The following TTC9 variants were observed in gnomAD, a reference collection of about 807,000 sequenced individuals.
TTC9 encodes tetratricopeptide repeat domain 9.
Under a neutral mutation model 22.9 loss-of-function variants are expected in TTC9, and 13 were observed. The observed-to-expected ratio is 0.57, with a 90% CI of 0.37 to 0.90. The LOEUF (loss-of-function observed/expected upper bound fraction) is 0.90, where lower values mean the gene tolerates loss of function less well. TTC9 is among the 40% of genes least tolerant of loss of function. TTC9 has a pLI of 0.01. For synonymous variants in TTC9, 148 were observed against 133.2 expected (o/e 1.11, Z -0.77); for missense variants, 280 against 291.8 (o/e 0.96, Z 0.29).
intron 1 of TTC9, among the ~76,000 whole-genome samples, chr14:70,644,713 C>T (rs879275990): frequency 2.0e-5 from 3 of 152,142 alleles, no homozygotes; most frequent in African/African-American, 4.8e-5. Flanking sequence ...AAGGCTCTAA[C>T]GGGCTATTTC....
intron 1 of TTC9, among the ~76,000 whole-genome samples, chr14:70,653,699 G>A (rs1402300430): frequency 2.0e-5 from 3 of 146,888 alleles, no homozygotes; most frequent in African/African-American, 7.6e-5. Context: ...CTTTGCCCCA[G>A]GATTCCCCCT....
intron 1 of TTC9, among the ~76,000 whole-genome samples, chr14:70,651,957 TAA>T (rs111278246): frequency 1.4e-5 from 2 of 144,480 alleles, no homozygotes; most frequent in Admixed American, 6.9e-5. Flanking sequence ...CTTTCTGGTT[TAA>T]AAAAAAAAAA....
rs1367140036 is a variant in TTC9, at chr14:70,642,780, G to T, written c.406+245G>T. On this transcript the variant is annotated intron_variant, in intron 1 of 2. Coordinates refer to ENST00000256367, the MANE Select transcript of TTC9 (RefSeq NM_015351.2). ...TCTCACCTAGAAATGACTGGAAGGG[G>T]ACCCAGCTGGCCTGGCTATGGCTGC... 3.3e-5 allele frequency among the ~76,000 whole-genome samples: 5 copies of T among 152,228 alleles called. No homozygotes were observed. The East Asian group carries it at 9.6e-4, about 29-fold the overall frequency.
rs968081242 is a variant in TTC9 at position 70,671,260 on chromosome 14, C to T, written c.*105C>T. 8.5e-6 allele frequency: 8 copies of T among 937,052 alleles called. No homozygotes were observed. Among genetic ancestry groups the T allele is most frequent in the African/African-American group, 3.3e-5 (2 of 60,136 alleles). 58.0% of individuals were successfully genotyped at this position (937,052 alleles called of 1,614,324 possible). On this transcript the variant is annotated 3_prime_UTR_variant, in exon 3 of 3. Transcript: ENST00000256367. Reference sequence around the variant, plus strand: ...TTCTGTCCCTTTCTCCCCACTTCTTCTGGCTCCTCATTTTTCCTCCTGTTG... The same window carrying T: ...TTCTGTCCCTTTCTCCCCACTTCTTTTGGCTCCTCATTTTTCCTCCTGTTG...
rs1396149259 is a variant in TTC9, at chr14:70,673,832, CCAT to C, written c.*2678_*2680del. On this transcript the variant is annotated 3_prime_UTR_variant, in exon 3 of 3. Coordinates refer to ENST00000256367, the MANE Select transcript of TTC9 (RefSeq NM_015351.2). Reference sequence around the variant, plus strand: ...AATCCAGGATATGATTGTAGCCATCCCATGTAGAAAGATCAAAAACCAGAACGA... The same window carrying C: ...AATCCAGGATATGATTGTAGCCATCCGTAGAAAGATCAAAAACCAGAACGA... 3.3e-5 allele frequency: 5 copies of C among 152,022 alleles called. No individual in the cohort carries two copies. The highest frequency in any genetic ancestry group is 7.4e-5 in the Non-Finnish European group (5 of 68,022). The allele number at this position is 152,022 out of a possible 1,614,324, so 9.4% of individuals were successfully genotyped here.
At chr14:70,669,200 G>A (rs1412956093) in intron 2 of TTC9, among the ~76,000 whole-genome samples, 2 of 152,034 alleles carry the variant, frequency 1.3e-5, no homozygotes, top group Non-Finnish European at 2.9e-5. Flanking sequence ...TTTAGACCAA[G>A]TGATCAGAAA....
In TTC9 at chr14:70,675,054, C is replaced by A. The variant is rs1015976923; in HGVS notation, c.*3899C>A. ...ATCCTAGAGAGTACCCTGTTTCCTG[C>A]ACCCTAACACTAGGTATCATCACTT... On this transcript the variant is annotated 3_prime_UTR_variant, in exon 3 of 3. Transcript: ENST00000256367. 4 of 152,194 alleles carry A rather than the reference C, an allele frequency of 2.6e-5. No individual in the cohort carries two copies. 9.4% of individuals were successfully genotyped at this position (152,194 alleles called of 1,614,324 possible). A position where few individuals can be genotyped will look rare whatever the true frequency, so the allele number is the denominator to read the frequency against.
intron 1 of TTC9, among the ~76,000 whole-genome samples, chr14:70,664,378 T>C (rs906995169): frequency 2.0e-5 from 3 of 151,772 alleles, no homozygotes; most frequent in East Asian, 3.9e-4. Context: ...CAGGTAGCGC[T>C]GAGGCCAGCC....
At chr14:70,669,075 G>A (rs1241106523) in intron 2 of TTC9, among the ~76,000 whole-genome samples, 1 of 151,718 alleles carries the variant, frequency 6.6e-6, no homozygotes. Context: ...AGAATCACTT[G>A]AACCCAGGAG....
Position 70,642,555 on chromosome 14 carries a change from C to G in TTC9, c.406+20C>G, listed in dbSNP as rs746680407. ...TGGCAGGTGAGCCGCGCCGCGCCCCCCGCGCCGCGGTCCCCGTTCTTCGGC... is the reference window on the plus strand; with the variant it reads ...TGGCAGGTGAGCCGCGCCGCGCCCCGCGCGCCGCGGTCCCCGTTCTTCGGC... On this transcript the variant is annotated intron_variant, in intron 1 of 2. Coordinates refer to ENST00000256367, the MANE Select transcript of TTC9 (RefSeq NM_015351.2). 3.8e-5 allele frequency: 58 copies of G among 1,527,690 alleles called. No individual in the cohort carries two copies. Among genetic ancestry groups the G allele is most frequent in the Middle Eastern group, 1.7e-4 (1 of 5,908 alleles). The allele number at this position is 1,527,690 out of a possible 1,614,324, so 94.6% of individuals were successfully genotyped here.
intron 1 of TTC9, among the ~76,000 whole-genome samples, chr14:70,662,969 A>T (rs1886165315): frequency 6.6e-6 from 1 of 152,112 alleles, no homozygotes; most frequent in Non-Finnish European, 1.5e-5. Context: ...ATATTGCAGA[A>T]ATTCCCTGCT....
At chr14:70,654,608 A>AAAAAAAAAAAAAAAAAAAAAAAAAAAAC (rs1886033987) in intron 1 of TTC9, among the ~76,000 whole-genome samples, 1 of 135,268 alleles carries the variant, frequency 7.4e-6, no homozygotes, top group Non-Finnish European at 1.6e-5. Context: ...AAAAAAAAAA[A>AAAAAAAAAAAAAAAAAAAAAAAAAAAAC]AAAAAAAAAA....
chr14:70,658,776 T>C (rs1886100865), intron 1 of TTC9, among the ~76,000 whole-genome samples: 1 of 152,244 alleles, frequency 6.6e-6, no homozygotes, highest in African/African-American at 2.4e-5. Flanking sequence ...TCAACTTTAT[T>C]CGTAATAATC....
In TTC9 at chr14:70,642,539, A is replaced by AGCCGCGCCGCGCCC. The variant is rs1555361514; in HGVS notation, c.406+5_406+18dup. ...GACTGTTACAACAGCCTGGCAGGTG[A>AGCCGCGCCGCGCCC]GCCGCGCCGCGCCCCCCGCGCCGCG... On this transcript the variant is annotated splice_donor_region_variant and intron_variant, in intron 1 of 2. Coordinates refer to ENST00000256367, the MANE Select transcript of TTC9 (RefSeq NM_015351.2). 25 of 1,513,952 alleles carry AGCCGCGCCGCGCCC rather than the reference A, an allele frequency of 1.7e-5. No individual in the cohort carries two copies. The highest frequency in any genetic ancestry group is 2.1e-5 in the Non-Finnish European group (24 of 1,124,028). 93.8% of individuals were successfully genotyped at this position (1,513,952 alleles called of 1,614,324 possible). A position where few individuals can be genotyped will look rare whatever the true frequency, so the allele number is the denominator to read the frequency against.
intron 1 of TTC9, among the ~76,000 whole-genome samples, chr14:70,653,265 G>A (rs1423997820): frequency 5.3e-5 from 8 of 152,096 alleles, no homozygotes; most frequent in Non-Finnish European, 1.2e-4. Flanking sequence ...AAGAGAGAGG[G>A]AAAGAATGCA....
At chr14:70,654,587 C>CAAAAAAAAAAAAAAAAAAAAAAAAAAAA (rs61046584) in intron 1 of TTC9, among the ~76,000 whole-genome samples, 1 of 57,158 alleles carries the variant, frequency 1.7e-5, no homozygotes, top group Non-Finnish European at 3.1e-5. Flanking sequence ...GGCTCTGTCT[C>CAAAAAAAAAAAAAAAAAAAAAAAAAAAA]AAAAAAAAAA....
At chr14:70,648,629 C>T (rs1216634102) in intron 1 of TTC9, among the ~76,000 whole-genome samples, 8 of 152,256 alleles carry the variant, frequency 5.3e-5, no homozygotes, top group Non-Finnish European at 8.8e-5. Flanking sequence ...CCTCTCCTCA[C>T]AGCTGTTCTC....
At chr14:70,649,801 C>T (rs1885954766) in intron 1 of TTC9, among the ~76,000 whole-genome samples, 1 of 152,174 alleles carries the variant, frequency 6.6e-6, no homozygotes, top group African/African-American at 2.4e-5. Flanking sequence ...AGTTAGACAT[C>T]CTTTTACTGT....
rs535092158 is a variant in TTC9, at chr14:70,648,925, C to A, written c.406+6390C>A. Among the ~76,000 whole-genome samples the A allele has an allele frequency of 4.6e-5, 7 of 152,250 alleles. No individual in the cohort carries two copies. The South Asian group carries it at 1.5e-3, about 32-fold the overall frequency. On this transcript the variant is annotated intron_variant, in intron 1 of 2. Transcript: ENST00000256367. ...TATATGGCCTTGGAATTATTTATTACCACTGTAAAGCTCACTATCTTATAC... is the reference window on the plus strand; with the variant it reads ...TATATGGCCTTGGAATTATTTATTAACACTGTAAAGCTCACTATCTTATAC...
Sources: gnomAD v4.1 joint callset for allele counts (sites outside exome capture counted in the v4.1 genomes callset) on GRCh38, gnomAD v4.1.1 for gene constraint, MANE v1.5 for transcripts, NCBI Gene and HGNC (gene_info 2026-07-23, HGNC 2026-07-21) for gene names.